The following MAN2B1 variants were observed in gnomAD, a reference collection of about 807,000 sequenced individuals.
MAN2B1 encodes mannosidase alpha class 2B member 1.
Under a neutral mutation model 127.5 loss-of-function variants are expected in MAN2B1, and 99 were observed. The ratio of observed to expected loss-of-function variants is 0.78; its 90% CI spans 0.66 to 0.92. The LOEUF (loss-of-function observed/expected upper bound fraction) is 0.92. Ranked by LOEUF, MAN2B1 falls within the 40% of genes least tolerant of loss-of-function variation. MAN2B1 has a pLI of 0.00. For synonymous variants in MAN2B1, 573 were observed against 568.8 expected (o/e 1.01, Z -0.11); for missense variants, 1,304 against 1,384.8 (o/e 0.94, Z 0.93).
chr19:12,648,478 C>T (rs1454094175), intron 20 of MAN2B1, 76 bp from the exon 21 acceptor site: 9 of 1,093,056 alleles, frequency 8.2e-6, no homozygotes, highest in Middle Eastern at 2.0e-4. Flanking sequence ...TGGGTAAGGG[C>T]GTGTGGGAAT....
rs1185457982 is a variant in MAN2B1, at chr19:12,663,812, AAAG to A, written c.651_653del (p.Phe218del). The A allele has an allele frequency of 3.1e-6, 5 of 1,614,052 alleles. No individual in the cohort carries two copies. The highest frequency in any genetic ancestry group is 1.7e-6 in the Non-Finnish European group (2 of 1,180,042). ...ACTTATCTTGATAATCAAGGCGCCC[AAAG>A]AAGAAGCCGTCGAAGCCCATCTGGG... is the stretch of plus-strand genomic sequence containing the variant. On this transcript the variant is annotated inframe_deletion, in exon 5 of 24. Transcript: ENST00000456935.
intron 4 of MAN2B1, among the ~76,000 whole-genome samples, chr19:12,664,299 G>C (rs2024175728): frequency 2.0e-5 from 3 of 152,240 alleles, no homozygotes; most frequent in African/African-American, 7.2e-5. Flanking sequence ...GGAAGTTTCA[G>C]AACTCACCAC....
rs1424035912 is a variant in MAN2B1, at chr19:12,665,625, C to T, written c.262+78G>A. On this transcript the variant is annotated intron_variant, in intron 2 of 23. Transcript: ENST00000456935. ...CCCTGGATATTAGGGTAGCACTGGCCCCACCCTAATGTCCAGGACCCAGAG... is the reference window on the plus strand; with the variant it reads ...CCCTGGATATTAGGGTAGCACTGGCTCCACCCTAATGTCCAGGACCCAGAG... 1.3e-5 allele frequency: 20 copies of T among 1,573,468 alleles called. No individual in the cohort carries two copies. In the East Asian group the frequency reaches 4.3e-4, roughly 33 times the overall value.
chr19:12,658,742 C>T, intron 7 of MAN2B1: 2 of 566,740 alleles, frequency 3.5e-6, no homozygotes, highest in Non-Finnish European at 6.3e-6. Context: ...TGAAATTTTA[C>T]TAAACTTTTA....
intron 6 of MAN2B1, among the ~76,000 whole-genome samples, chr19:12,662,718 C>G (rs753343941): frequency 6.6e-6 from 1 of 151,926 alleles, no homozygotes; most frequent in Non-Finnish European, 1.5e-5. Flanking sequence ...GAGGTTGAGG[C>G]GGGCAGATCA....
intron 3 of MAN2B1, 155 bp downstream of exon 3, chr19:12,665,197 G>T: frequency 9.2e-7 from 1 of 1,081,376 alleles, no homozygotes; most frequent in Non-Finnish European, 1.4e-6. Flanking sequence ...GGCTTTGTGG[G>T]ATGTATAGGA....
At chr19:12,653,727 G>A (rs964975314) in intron 14 of MAN2B1, among the ~76,000 whole-genome samples, 3 of 150,594 alleles carry the variant, frequency 2.0e-5, no homozygotes, top group African/African-American at 7.3e-5. Flanking sequence ...TTTTTTTTTT[G>A]TTTGCTTTTG....
chr19:12,656,640 C>G lies in MAN2B1; in HGVS notation c.1575G>C (p.Met525Ile), dbSNP rs2023967209. The G allele has an allele frequency of 6.2e-7, 1 of 1,613,918 alleles. No individual in the cohort carries two copies. Among genetic ancestry groups the G allele is most frequent in the Non-Finnish European group, 8.5e-7 (1 of 1,179,980 alleles). The change falls in exon 13 of 24, where the codon ATG becomes ATC. Residue 525 changes from methionine (M) to isoleucine (I), a missense_variant. Coordinates refer to ENST00000456935, the MANE Select transcript of MAN2B1 (RefSeq NM_000528.4). ...CGCCTTCGCTGACCGGCAGCCGTAC[C>G]ATCCAATTCACCTTCCGCCCCAGGG... ...YNPLGRKVNWMVRLPVSEGVF... is the reference protein window; with the variant it reads ...YNPLGRKVNWIVRLPVSEGVF...
Position 12,647,308 on chromosome 19 carries a change from G to A in MAN2B1, c.2848C>T (p.Arg950Cys), listed in dbSNP as rs759814559. 16 of 1,613,974 alleles carry A rather than the reference G, an allele frequency of 9.9e-6. No individual in the cohort carries two copies. Among genetic ancestry groups the A allele is most frequent in the African/African-American group, 2.7e-5 (2 of 74,906 alleles). ...RDLFSTFTIT[R>C]LQETTLVANQ... ...GCCACCAGCGTGGTCTCCTGCAGGC[G>A]GGTGATGGTGAAGGTGGAGAACAGG... is the stretch of plus-strand genomic sequence containing the variant. Residue 950 changes from arginine (R) to cysteine (C), a missense_variant, in exon 23 of 24, where the codon CGC (arginine) becomes TGC (cysteine). Coordinates refer to ENST00000456935, the MANE Select transcript of MAN2B1 (RefSeq NM_000528.4). The surrounding 1 kb of genome is among the most constrained non-coding windows in gnomAD (Gnocchi z 4.9).
Position 12,649,929 on chromosome 19 carries a change from C to T in MAN2B1, c.2251G>A (p.Glu751Lys), listed in dbSNP as rs1320815726. 26 of 1,613,344 alleles carry T rather than the reference C, an allele frequency of 1.6e-5. No individual in the cohort carries two copies. Among genetic ancestry groups the T allele is most frequent in the East Asian group, 2.2e-5 (1 of 44,876 alleles). The change falls in exon 18 of 24, where the codon GAG becomes AAG. Residue 751 changes from glutamate (E) to lysine (K), a missense_variant. Physicochemically the swap from Glu to Lys is moderately conservative, Grantham distance 56. Transcript: ENST00000456935. ...GRFYTDSNGR[E>K]ILERRRDYRP... ...ACCCCCCACCTCCTCTCCAGGATCT[C>T]CCGGCCATTGCTGTCTGTGTAGAAG...
chr19:12,646,729 G>C lies in MAN2B1; in HGVS notation c.2927C>G (p.Pro976Arg), dbSNP rs766559062. Residue 976 changes from proline (P) to arginine (R), a missense_variant, in exon 24 of 24, where the codon CCC becomes CGC. Transcript: ENST00000456935. The part of the protein sequence containing the change: ...SRLKWTTNTG[P>R]TPHQTPYQLD... ...CTGGTACGGAGTTTGGTGGGGTGTG[G>C]GGCCTGGAGAGGTGCAGGGGGAAGG... 2.8e-5 allele frequency: 45 copies of C among 1,611,396 alleles called. 1 individual carries two copies. In the South Asian group the frequency reaches 4.6e-4, roughly 17 times the overall value.
intron 6 of MAN2B1, 85 bp from the exon 7 acceptor site, chr19:12,661,461 G>GC (rs1486187976): frequency 4.5e-5 from 40 of 896,804 alleles, no homozygotes; most frequent in Non-Finnish European, 7.0e-5. Context: ...TGGGGTCAAG[G>GC]ATGTTGGGTG....
intron 6 of MAN2B1, among the ~76,000 whole-genome samples, chr19:12,661,661 T>C (rs1027837706): frequency 1.3e-5 from 2 of 151,956 alleles, no homozygotes; most frequent in Non-Finnish European, 2.9e-5. Context: ...GAGGGGGACA[T>C]TGTGATGGTG....
At position 12,652,153 on chromosome 19, in the gene MAN2B1, C is replaced by A. The variant is rs2023851475; in HGVS notation, c.2046G>T (p.Lys682Asn). The change falls in exon 16 of 24, where the codon AAG (lysine) becomes AAT (asparagine). Residue 682 changes from lysine (K) to asparagine (N), a missense_variant and splice_region_variant. Transcript: ENST00000456935. ...CCACTCATCATTCCTAGTCCCTGAC[C>A]TTCACCAGGTGGATCTGAGCCCAGC... ...VSRWAQIHLV[K>N]TPLVQEVHQN... 6.2e-7 allele frequency: 1 copy of A among 1,613,098 alleles called. No individual in the cohort carries two copies. Among genetic ancestry groups the A allele is most frequent in the Non-Finnish European group, 8.5e-7 (1 of 1,179,052 alleles).
Position 12,663,310 on chromosome 19 carries a change from G to A in MAN2B1, c.909+7C>T, listed in dbSNP as rs201385272. 1 of 1,614,212 alleles carries A rather than the reference G, an allele frequency of 6.2e-7. No individual in the cohort carries two copies. The highest frequency in any genetic ancestry group is 1.3e-5 in the African/African-American group (1 of 75,054). ...CCGGACTCGAAGGTTCTGGACACCA[G>A]GGTTACCTGGGCAGTGGCCACATTT... On this transcript the variant is annotated splice_region_variant and intron_variant, in intron 6 of 23. Coordinates refer to ENST00000456935, the MANE Select transcript of MAN2B1 (RefSeq NM_000528.4).
chr19:12,650,147 G>A lies in MAN2B1; in HGVS notation c.2122C>T (p.Arg708Trp), dbSNP rs150533763. The change falls in exon 17 of 24, where the codon CGG becomes TGG. Residue 708 changes from arginine (R) to tryptophan (W), a missense_variant. Transcript: ENST00000456935. Reference protein sequence around the residue: ...SQVVRLYPGQRHLELEWSVGP... With the variant: ...SQVVRLYPGQWHLELEWSVGP... Reference sequence around the variant, plus strand: ...ACCGACCACTCTAGCTCCAGGTGCCGCTGTCCTGGGTACAGGCGAACCACC... The same window carrying A: ...ACCGACCACTCTAGCTCCAGGTGCCACTGTCCTGGGTACAGGCGAACCACC... 58 of 1,613,966 alleles carry A rather than the reference G, an allele frequency of 3.6e-5. No homozygotes were observed. In the African/African-American group the frequency reaches 3.7e-4, roughly 10 times the overall value.
chr19:12,665,732 A>G lies in MAN2B1; in HGVS notation c.233T>C (p.Leu78Pro), dbSNP rs1387086908. Reference sequence around the variant, plus strand: ...ATAAAAGTACTGGTCCACGGTTTTGAGCCAGCCCACGTCATCATGTGTGTG... The same window carrying G: ...ATAAAAGTACTGGTCCACGGTTTTGGGCCAGCCCACGTCATCATGTGTGTG... The part of the protein sequence containing the change: ...LPHTHDDVGW[L>P]KTVDQYFYGI... The change falls in exon 2 of 24, where the codon CTC (leucine) becomes CCC (proline). Residue 78 changes from leucine (L) to proline (P), a missense_variant. Leu to Pro is a moderately conservative substitution (Grantham distance 98). Coordinates refer to ENST00000456935, the MANE Select transcript of MAN2B1 (RefSeq NM_000528.4). 3 of 1,614,164 alleles carry G rather than the reference A, an allele frequency of 1.9e-6. No homozygotes were observed. Among genetic ancestry groups the G allele is most frequent in the Non-Finnish European group, 2.5e-6 (3 of 1,180,026 alleles).
chr19:12,656,656 C>T lies in MAN2B1; in HGVS notation c.1559G>A (p.Arg520Gln). The part of the protein sequence containing the change: ...FQVIVYNPLG[R>Q]KVNWMVRLPV... ...CAGCCGTACCATCCAATTCACCTTC[C>T]GCCCCAGGGGATTATAAACGATGAC... The change falls in exon 13 of 24, where the codon CGG (arginine) becomes CAG (glutamine). Residue 520 changes from arginine (R) to glutamine (Q), a missense_variant. By Grantham distance (43) the Arg-to-Gln change is conservative. Transcript: ENST00000456935. 1 of 1,613,938 alleles carries T rather than the reference C, an allele frequency of 6.2e-7. No homozygotes were observed. Among genetic ancestry groups the T allele is most frequent in the Non-Finnish European group, 8.5e-7 (1 of 1,179,914 alleles).
At chr19:12,655,257 A>G (rs1317851729) in intron 14 of MAN2B1, among the ~76,000 whole-genome samples, 1 of 152,190 alleles carries the variant, frequency 6.6e-6, no homozygotes, top group Non-Finnish European at 1.5e-5. Context: ...TGCTTCAGCC[A>G]CACTGAGCTC....
Sources: allele counts gnomAD v4.1 joint callset (sites outside exome capture counted in the v4.1 genomes callset), GRCh38; gene constraint gnomAD v4.1.1; non-coding constraint Gnocchi (gnomAD v3.1); transcripts MANE v1.5; gene names NCBI Gene and HGNC (gene_info 2026-07-23, HGNC 2026-07-21).